Variants in AMBRA1 observed in about 807,000 individuals in gnomAD.
AMBRA1 encodes autophagy and beclin 1 regulator 1.
In AMBRA1, 47 loss-of-function variants were observed where a neutral mutation model predicts 125.4. The ratio of observed to expected loss-of-function variants is 0.37; its 90% CI spans 0.30 to 0.48. The LOEUF is 0.48. AMBRA1 is among the 20% of genes least tolerant of loss of function. AMBRA1 has a pLI of 0.99. For missense variants in AMBRA1, 1,331 were observed against 1,693.4 expected (o/e 0.79, Z 3.76); for synonymous variants, 626 against 655.5 (o/e 0.95, Z 0.69).
At chr11:46,431,422 T>C (rs901806850) in intron 14 of AMBRA1, among the ~76,000 whole-genome samples, 42 of 152,184 alleles carry the variant, frequency 2.8e-4, no homozygotes, top group African/African-American at 9.7e-4. Flanking sequence ...AGAACCACAT[T>C]CCTTGAGCTG....
chr11:46,519,826 TC>T (rs1951679160), intron 7 of AMBRA1, among the ~76,000 whole-genome samples: 1 of 152,118 alleles, frequency 6.6e-6, no homozygotes, highest in African/African-American at 2.4e-5. Context: ...AACTTTTTGC[TC>T]CCAGGACTCC....
chr11:46,418,259 T>A (rs951115692), intron 14 of AMBRA1, among the ~76,000 whole-genome samples: 4 of 144,648 alleles, frequency 2.8e-5, no homozygotes, highest in African/African-American at 7.5e-5. Flanking sequence ...TATATTTTAT[T>A]ATTTATATAT....
chr11:46,558,431 C>T (rs1407303978), intron 1 of AMBRA1, among the ~76,000 whole-genome samples: 1 of 151,416 alleles, frequency 6.6e-6, no homozygotes, highest in Non-Finnish European at 1.5e-5. Context: ...TGCCTGTAAT[C>T]CCAGCTACTC....
At chr11:46,448,247 T>C (rs917766656) in intron 11 of AMBRA1, among the ~76,000 whole-genome samples, 2 of 152,110 alleles carry the variant, frequency 1.3e-5, no homozygotes, top group African/African-American at 4.8e-5. Context: ...AAAGGAATAA[T>C]ACATATTACA....
intron 11 of AMBRA1, among the ~76,000 whole-genome samples, chr11:46,469,645 T>A (rs1949488824): frequency 6.6e-6 from 1 of 152,120 alleles, no homozygotes; most frequent in Admixed American, 6.5e-5. Context: ...AGAATAAGAC[T>A]TAGCAACATA....
intron 1 of AMBRA1, among the ~76,000 whole-genome samples, chr11:46,551,015 T>C (rs1390605148): frequency 6.9e-6 from 1 of 144,336 alleles, no homozygotes; most frequent in Non-Finnish European, 1.5e-5. Flanking sequence ...GAGAATGGCA[T>C]GAACCCGAGA....
intron 1 of AMBRA1, among the ~76,000 whole-genome samples, chr11:46,590,354 T>C (rs529104179): frequency 6.6e-6 from 1 of 151,502 alleles, no homozygotes; most frequent in South Asian, 2.1e-4. Flanking sequence ...AAAATTAATT[T>C]AAAAAAATGT....
intron 14 of AMBRA1, among the ~76,000 whole-genome samples, chr11:46,422,618 C>T (rs546040175): frequency 6.6e-6 from 1 of 152,132 alleles, no homozygotes; most frequent in African/African-American, 2.4e-5. Context: ...CCTTCTTCTC[C>T]ATCCTTTTAA....
intron 11 of AMBRA1, among the ~76,000 whole-genome samples, chr11:46,484,381 T>C (rs1950191038): frequency 6.6e-6 from 1 of 152,298 alleles, no homozygotes; most frequent in African/African-American, 2.4e-5. Context: ...TACTGAGTCA[T>C]TATAGATTAG....
Position 46,470,664 on chromosome 11 carries a change from A to G in AMBRA1, c.2521+22944T>C, listed in dbSNP as rs569301255. On this transcript the variant is annotated intron_variant, in intron 11 of 17. Transcript: ENST00000683756. ...GCGGTCCTAGCTACTCAGAAGGCTA[A>G]AGTGAGAGGATTGCTTGAGCCCAGG... Among the ~76,000 whole-genome samples, 7 of 151,996 alleles carry G rather than the reference A, an allele frequency of 4.6e-5. No individual in the cohort carries two copies. The South Asian group carries it at 8.3e-4, about 18-fold the overall frequency.
chr11:46,513,899 T>A (rs1036375514), intron 7 of AMBRA1, among the ~76,000 whole-genome samples: 1 of 151,284 alleles, frequency 6.6e-6, no homozygotes, highest in African/African-American at 2.4e-5. Flanking sequence ...TTTTTTTTTT[T>A]AAACAACAAG....
intron 7 of AMBRA1, among the ~76,000 whole-genome samples, chr11:46,533,201 G>T (rs1952299152): frequency 6.6e-6 from 1 of 151,952 alleles, no homozygotes; most frequent in South Asian, 2.1e-4. Context: ...AAAATAAATG[G>T]AAAAATGTGT....
intron 11 of AMBRA1, among the ~76,000 whole-genome samples, chr11:46,453,391 T>C (rs1484194987): frequency 6.6e-6 from 1 of 151,992 alleles, no homozygotes; most frequent in Non-Finnish European, 1.5e-5. Context: ...TCAGCATCCC[T>C]AGTAGCTGGG....
intron 11 of AMBRA1, among the ~76,000 whole-genome samples, chr11:46,479,389 T>C (rs763651547): frequency 6.6e-6 from 1 of 152,098 alleles, no homozygotes; most frequent in African/African-American, 2.4e-5. Context: ...CTTTAGCTGA[T>C]GGAATGGACA....
At position 46,512,749 on chromosome 11, in the gene AMBRA1, G is replaced by A. The variant is rs1951314809; in HGVS notation, c.2137C>T (p.Pro713Ser). ...TACCTCGCTGGGTCTGGGTAAATTG[G>A]GTGCTCTCTGGATCCTGCTCCATCA... ...RYDGAGSREH[P>S]IYPDPARLSP... The change falls in exon 8 of 18, where the codon CCA becomes TCA. Residue 713 changes from proline (P) to serine (S), a missense_variant. Physicochemically the swap from Pro to Ser is moderately conservative, Grantham distance 74 (BLOSUM62 -1). This residue lies in a region of AMBRA1 where 689 missense variants were observed against 776.5 expected (regional missense o/e 0.89). Transcript: ENST00000683756. 1 of 1,613,166 alleles carries A rather than the reference G, an allele frequency of 6.2e-7. No individual in the cohort carries two copies. Among genetic ancestry groups the A allele is most frequent in the Non-Finnish European group, 8.5e-7 (1 of 1,179,652 alleles).
intron 17 of AMBRA1, among the ~76,000 whole-genome samples, chr11:46,402,024 C>T (rs943389338): frequency 6.6e-6 from 1 of 152,228 alleles, no homozygotes; most frequent in Non-Finnish European, 1.5e-5. Context: ...TGGGCATACA[C>T]TGTGCACACT....
In AMBRA1 at chr11:46,548,472, A is replaced by G. The variant is rs1487100493; in HGVS notation, c.-92T>C. The G allele has an allele frequency of 4.0e-6, 6 of 1,498,500 alleles. No homozygotes were observed. Among genetic ancestry groups the G allele is most frequent in the Admixed American group, 2.0e-5 (1 of 50,906 alleles). 92.8% of individuals were successfully genotyped at this position (1,498,500 alleles called of 1,614,324 possible). A position where few individuals can be genotyped will look rare whatever the true frequency, so the allele number is the denominator to read the frequency against. On this transcript the variant is annotated 5_prime_UTR_variant, in exon 2 of 18. Coordinates refer to ENST00000683756, the MANE Select transcript of AMBRA1 (RefSeq NM_001387011.1). ...TGAAGCAGCTAAAATGAGGCCATAC[A>G]GGTCCTTGTAAGTTGTCCTCATGGA...
intron 1 of AMBRA1, among the ~76,000 whole-genome samples, chr11:46,573,824 C>T (rs1364706675): frequency 8.4e-6 from 1 of 118,666 alleles, no homozygotes; most frequent in Non-Finnish European, 1.7e-5. Context: ...CCTCCCCCCA[C>T]CCCACCACAG....
At chr11:46,458,730 G>A (rs910065325) in intron 11 of AMBRA1, among the ~76,000 whole-genome samples, 1 of 152,118 alleles carries the variant, frequency 6.6e-6, no homozygotes, top group Non-Finnish European at 1.5e-5. Flanking sequence ...CTGAGTAGCT[G>A]GGACTAAAAG....
Sources: gnomAD v4.1 joint callset for allele counts (sites outside exome capture counted in the v4.1 genomes callset) on GRCh38, gnomAD v4.1.1 for gene constraint, gnomAD v4.1.1 regional missense constraint, MANE v1.5 for transcripts, NCBI Gene and HGNC (gene_info 2026-07-23, HGNC 2026-07-21) for gene names.